CDYL: variants seen among roughly 807,000 people sequenced by gnomAD.
CDYL encodes chromodomain Y like.
Under a neutral mutation model 47.3 loss-of-function variants are expected in CDYL, and 8 were observed. The observed-to-expected ratio is 0.17, with a 90% CI of 0.10 to 0.31. The LOEUF (loss-of-function observed/expected upper bound fraction) is 0.31. Among genes scored for constraint, CDYL ranks in the 10% least tolerant of loss-of-function variants. CDYL has a pLI of 1.00. For synonymous variants in CDYL, 266 were observed against 265.0 expected (o/e 1.00, Z -0.04); for missense variants, 471 against 701.4 (o/e 0.67, Z 3.71).
chr6:4,891,610 A>C (rs1033692927), intron 1 of CDYL, 103 bp from the exon 2 acceptor site: 1 of 842,406 alleles, frequency 1.2e-6, no homozygotes, highest in Non-Finnish European at 1.8e-6. Context: ...TCATTTTATC[A>C]TCTATTGTGG....
At chr6:4,725,277 C>A (rs1168590908) in intron 2 of CDYL, among the ~76,000 whole-genome samples, 1 of 152,252 alleles carries the variant, frequency 6.6e-6, no homozygotes, top group Non-Finnish European at 1.5e-5. Flanking sequence ...ACAGTGGATC[C>A]CGCACCGAGG....
intron 1 of CDYL, among the ~76,000 whole-genome samples, chr6:4,874,436 T>G (rs1050665826): frequency 6.6e-6 from 1 of 152,188 alleles, no homozygotes; most frequent in Admixed American, 6.5e-5. Flanking sequence ...TCTGTGCTCC[T>G]CATGGGAAGC....
intron 2 of CDYL, among the ~76,000 whole-genome samples, chr6:4,725,556 T>C (rs963589310): frequency 4.6e-5 from 7 of 152,334 alleles, no homozygotes; most frequent in African/African-American, 1.7e-4. Context: ...GGCCTCTCAC[T>C]GCCCGGGGCT....
chr6:4,791,805 A>G (rs1473101017), intron 1 of CDYL, among the ~76,000 whole-genome samples: 1 of 152,158 alleles, frequency 6.6e-6, no homozygotes, highest in East Asian at 1.9e-4. Context: ...TACAGTTAAC[A>G]GTTATTTCAT....
At chr6:4,923,154 C>T (rs950642863) in intron 2 of CDYL, among the ~76,000 whole-genome samples, 1 of 152,222 alleles carries the variant, frequency 6.6e-6, no homozygotes, top group Middle Eastern at 3.4e-3. Context: ...CAGTGCCATA[C>T]GACACTCAGA....
At chr6:4,895,070 T>G (rs1762180504) in intron 2 of CDYL, among the ~76,000 whole-genome samples, 1 of 71,224 alleles carries the variant, frequency 1.4e-5, no homozygotes, top group Non-Finnish European at 4.3e-5. Context: ...TGGGTATATA[T>G]GTATCTATAT....
intron 1 of CDYL, among the ~76,000 whole-genome samples, chr6:4,827,574 T>C (rs918182741): frequency 6.6e-6 from 1 of 152,270 alleles, no homozygotes; most frequent in African/African-American, 2.4e-5. Context: ...CTCCATCTGC[T>C]CCCTTTATGT....
intron 3 of CDYL, among the ~76,000 whole-genome samples, chr6:4,752,657 A>G (rs527896860): frequency 6.6e-6 from 1 of 152,152 alleles, no homozygotes; most frequent in Non-Finnish European, 1.5e-5. Flanking sequence ...AGTGGTTCCT[A>G]GTGAAAATCA....
At chr6:4,834,953 G>C (rs949143773) in intron 1 of CDYL, among the ~76,000 whole-genome samples, 1 of 151,978 alleles carries the variant, frequency 6.6e-6, no homozygotes, top group African/African-American at 2.4e-5. Flanking sequence ...CTCTGTATTG[G>C]TTATTCTAGT....
chr6:4,721,496 G>A (rs1166662316), intron 2 of CDYL, among the ~76,000 whole-genome samples: 1 of 152,104 alleles, frequency 6.6e-6, no homozygotes, highest in South Asian at 2.1e-4. Flanking sequence ...CAATTCTCAT[G>A]CCTCAGCCTC....
intron 3 of CDYL, among the ~76,000 whole-genome samples, chr6:4,739,751 G>C (rs573186583): frequency 6.6e-6 from 1 of 151,788 alleles, no homozygotes; most frequent in African/African-American, 2.4e-5. Context: ...TCAGGAGTTC[G>C]AGAACAGCCT....
At chr6:4,803,979 C>CT (rs202116997) in intron 1 of CDYL, among the ~76,000 whole-genome samples, 5,816 of 133,148 alleles carry the variant, frequency 0.044, 149 homozygotes, top group African/African-American at 0.074. Context: ...GCGTAGCGTG[C>CT]TTTTTTTTTT....
chr6:4,793,803 G>A (rs1758995925), intron 1 of CDYL, among the ~76,000 whole-genome samples: 2 of 152,202 alleles, frequency 1.3e-5, no homozygotes, highest in South Asian at 4.1e-4. Context: ...GATGGATATC[G>A]GATATGAGGG....
At chr6:4,920,367 A>G (rs1757676749) in intron 2 of CDYL, among the ~76,000 whole-genome samples, 1 of 152,188 alleles carries the variant, frequency 6.6e-6, no homozygotes. Context: ...TCCATTTGCT[A>G]ATATGTAGGA....
intron 1 of CDYL, among the ~76,000 whole-genome samples, chr6:4,817,665 C>G (rs568486578): frequency 3.3e-5 from 5 of 152,060 alleles, no homozygotes; most frequent in African/African-American, 7.3e-5. Flanking sequence ...TCTTGAGGGC[C>G]TAAATCTCAT....
At chr6:4,712,392 T>A (rs766906106) in intron 1 of CDYL, among the ~76,000 whole-genome samples, 3 of 152,190 alleles carry the variant, frequency 2.0e-5, no homozygotes, top group Non-Finnish European at 4.4e-5. Context: ...GGTCCCCAAC[T>A]GAAGGTAGAA....
intron 1 of CDYL, among the ~76,000 whole-genome samples, chr6:4,795,726 T>A (rs1385918810): frequency 6.6e-6 from 1 of 151,954 alleles, no homozygotes; most frequent in African/African-American, 2.4e-5. Context: ...TTTTAAAGAA[T>A]CAGTTTTTGT....
At chr6:4,899,002 A>C (rs1487687575) in intron 2 of CDYL, among the ~76,000 whole-genome samples, 1 of 152,190 alleles carries the variant, frequency 6.6e-6, no homozygotes, top group African/African-American at 2.4e-5. Flanking sequence ...GATTTCTTCA[A>C]AGTAGAGCAA....
At chr6:4,772,710 G>A (rs947777704), upstream of CDYL, among the ~76,000 whole-genome samples, 4 of 152,120 alleles carry the variant, frequency 2.6e-5, no homozygotes, top group South Asian at 2.1e-4. Context: ...AACTTAGGTC[G>A]CATCTTCATA....
Sources: gnomAD v4.1 joint callset for allele counts (sites outside exome capture counted in the v4.1 genomes callset) on GRCh38, gnomAD v4.1.1 for gene constraint, MANE v1.5 for transcripts, NCBI Gene and HGNC (gene_info 2026-07-23, HGNC 2026-07-21) for gene names.